LRRFIP2: variants seen among roughly 807,000 people sequenced by gnomAD.
LRRFIP2 encodes the protein leucine-rich repeat flightless-interacting protein 2.
Under a neutral mutation model 125.9 loss-of-function variants are expected in LRRFIP2, and 109 were observed. The ratio of observed to expected loss-of-function variants is 0.87; its 90% CI spans 0.74 to 1.01. LRRFIP2 has a LOEUF of 1.01. LRRFIP2 is among the 50% of genes least tolerant of loss of function. LRRFIP2 has a pLI of 0.00. For synonymous variants in LRRFIP2, 291 were observed against 293.1 expected (o/e 0.99, Z 0.07); for missense variants, 850 against 862.3 (o/e 0.99, Z 0.18).
intron 19 of LRRFIP2, among the ~76,000 whole-genome samples, chr3:37,080,567 ACAACTGCAT>A (rs1482138199): frequency 2.0e-5 from 3 of 152,144 alleles, no homozygotes; most frequent in Non-Finnish European, 2.9e-5. Context: ...CTGAAGGAAG[ACAACTGCAT>A]CATCTATGAA....
chr3:37,083,837 T>A (rs377360662), intron 18 of LRRFIP2, 31 bp from the exon 19 acceptor site: 24 of 1,518,758 alleles, frequency 1.6e-5, no homozygotes, highest in Non-Finnish European at 2.0e-5. Flanking sequence ...CAGTCTGATA[T>A]CTAAAATGTT....
chr3:37,092,513 T>A (rs2093501749), intron 17 of LRRFIP2, among the ~76,000 whole-genome samples: 1 of 152,170 alleles, frequency 6.6e-6, no homozygotes. Context: ...AAGGTCATTC[T>A]CTCAAGGAAG....
At chr3:37,092,845 A>C (rs573886505) in intron 17 of LRRFIP2, among the ~76,000 whole-genome samples, 2 of 141,936 alleles carry the variant, frequency 1.4e-5, no homozygotes, top group African/African-American at 5.0e-5. Flanking sequence ...CCGACAATTT[A>C]TTTTTTTTTT....
chr3:37,108,727 G>A, intron 11 of LRRFIP2, 43 bp from the exon 12 acceptor site: 1 of 1,534,350 alleles, frequency 6.5e-7, no homozygotes. Flanking sequence ...TAGCTTCAAG[G>A]TTGTTTTGAA....
chr3:37,084,812 A>G (rs1317472155), intron 18 of LRRFIP2, among the ~76,000 whole-genome samples: 1 of 152,188 alleles, frequency 6.6e-6, no homozygotes, highest in Non-Finnish European at 1.5e-5. Flanking sequence ...GTGTGTAACT[A>G]TATCTACTTT....
At position 37,063,691 on chromosome 3, in the gene LRRFIP2, A is replaced by T. The variant is rs369203646; in HGVS notation, c.1749+51T>A. 293 of 1,324,660 alleles carry T rather than the reference A, an allele frequency of 2.2e-4. 1 individual carries two copies. The Middle Eastern group carries it at 4.0e-3, about 18-fold the overall frequency. The allele number at this position is 1,324,660 out of a possible 1,614,324, so 82.1% of individuals were successfully genotyped here. On this transcript the variant is annotated intron_variant, in intron 24 of 27. Coordinates refer to ENST00000336686, the MANE Select transcript of LRRFIP2 (RefSeq NM_006309.4). ...GAACATTTCAATTAGCCAGTATTTTACCATGTAACTTTGTTAAAATTATAT... is the reference window on the plus strand; with the variant it reads ...GAACATTTCAATTAGCCAGTATTTTTCCATGTAACTTTGTTAAAATTATAT...
chr3:37,139,532 C>G (rs1483834444), intron 2 of LRRFIP2, among the ~76,000 whole-genome samples: 1 of 152,168 alleles, frequency 6.6e-6, no homozygotes. Flanking sequence ...TCGCTTCACA[C>G]CCTCCAAAGC....
At chr3:37,071,052 TTTTCAATTTCAAA>T (rs1210267481) in intron 21 of LRRFIP2, among the ~76,000 whole-genome samples, 1 of 152,224 alleles carries the variant, frequency 6.6e-6, no homozygotes, top group Non-Finnish European at 1.5e-5. Flanking sequence ...CAAATTTCAC[TTTTCAATTTCAAA>T]TTTCAATTTT....
Position 37,055,115 on chromosome 3 carries a change from C to A in LRRFIP2, c.1921G>T (p.Glu641Ter). ...TGCTCCAAGGTAGTTATATCCTGTTCTGCTTTTGAAAGCTTAAATTTGTAT... is the reference window on the plus strand; with the variant it reads ...TGCTCCAAGGTAGTTATATCCTGTTATGCTTTTGAAAGCTTAAATTTGTAT... ...SEYKFKLSKA[E>*]QDITTLEQSI... The change falls in exon 26 of 28, where the codon GAA (glutamate) becomes TAA (stop). Residue 641 changes from glutamate (E) to a stop codon, truncating the protein, a stop_gained. Coordinates refer to ENST00000336686, the MANE Select transcript of LRRFIP2 (RefSeq NM_006309.4). LOFTEE classifies it high-confidence loss of function. 6.3e-7 allele frequency: 1 copy of A among 1,596,922 alleles called. No homozygotes were observed. The highest frequency in any genetic ancestry group is 8.5e-7 in the Non-Finnish European group (1 of 1,174,262).
At chr3:37,109,436 C>A in intron 11 of LRRFIP2, 91 bp downstream of exon 11, 2 of 1,390,210 alleles carry the variant, frequency 1.4e-6, no homozygotes, top group East Asian at 2.3e-5. Context: ...GTGTCCTTAA[C>A]TATTTTGGAG....
chr3:37,054,418 T>C lies in LRRFIP2; in HGVS notation c.2048A>G (p.Gln683Arg), dbSNP rs764229920. Residue 683 changes from glutamine to arginine, a missense_variant, in exon 27 of 28, where the codon CAA becomes CGA. Transcript: ENST00000336686. Reference protein sequence around the residue: ...DELKAEKRKLQRELRTALDKI... With the variant: ...DELKAEKRKLRRELRTALDKI... Reference sequence around the variant, plus strand: ...ACATATTAAAAGAAGTACCTCTCGTTGTAGCTTCCGTTTTTCTGCTTTCAA... The same window carrying C: ...ACATATTAAAAGAAGTACCTCTCGTCGTAGCTTCCGTTTTTCTGCTTTCAA... 1 of 1,612,228 alleles carries C rather than the reference T, an allele frequency of 6.2e-7. No individual in the cohort carries two copies.
chr3:37,163,872 A>C (rs962727934), intron 1 of LRRFIP2, among the ~76,000 whole-genome samples: 1 of 152,208 alleles, frequency 6.6e-6, no homozygotes, highest in South Asian at 2.1e-4. Flanking sequence ...CCATTAAAGG[A>C]TATCTTGAGG....
chr3:37,149,328 C>T (rs1448685761), intron 1 of LRRFIP2, among the ~76,000 whole-genome samples: 1 of 152,118 alleles, frequency 6.6e-6, no homozygotes, highest in Non-Finnish European at 1.5e-5. Flanking sequence ...GGCAGCCTGG[C>T]CAACATGGTG....
intron 1 of LRRFIP2, among the ~76,000 whole-genome samples, chr3:37,158,810 T>C (rs1174612566): frequency 6.6e-6 from 1 of 152,074 alleles, no homozygotes; most frequent in African/African-American, 2.4e-5. Context: ...AGCTAGAAAT[T>C]TTCATAAAGT....
chr3:37,141,047 C>T (rs923319760), intron 2 of LRRFIP2, among the ~76,000 whole-genome samples: 6 of 151,916 alleles, frequency 3.9e-5, no homozygotes, highest in Non-Finnish European at 7.4e-5. Context: ...AGCTGGGTGT[C>T]GTGGTACATG....
At chr3:37,120,329 T>C (rs1303099435) in intron 6 of LRRFIP2, among the ~76,000 whole-genome samples, 3 of 152,060 alleles carry the variant, frequency 2.0e-5, no homozygotes, top group African/African-American at 4.8e-5. Context: ...GGTCTTGAAC[T>C]CCCGATCTCA....
intron 1 of LRRFIP2, among the ~76,000 whole-genome samples, chr3:37,163,844 C>A (rs1336140344): frequency 6.6e-6 from 1 of 152,044 alleles, no homozygotes; most frequent in African/African-American, 2.4e-5. Context: ...CTTGTGATTT[C>A]CTGGAAGGGA....
intron 25 of LRRFIP2, among the ~76,000 whole-genome samples, chr3:37,056,465 T>C (rs2086890930): frequency 6.6e-6 from 1 of 152,148 alleles, no homozygotes; most frequent in South Asian, 2.1e-4. Context: ...TTTCTTTTTT[T>C]TTTTTTGAGA....
intron 2 of LRRFIP2, among the ~76,000 whole-genome samples, chr3:37,145,136 T>C (rs937710757): frequency 6.6e-6 from 1 of 152,226 alleles, no homozygotes; most frequent in South Asian, 2.1e-4. Context: ...TATGATTATG[T>C]TTAACCACTT....
Sources: gnomAD v4.1 joint callset for allele counts (sites outside exome capture counted in the v4.1 genomes callset) on GRCh38, gnomAD v4.1.1 for gene constraint, MANE v1.5 for transcripts, NCBI Gene and HGNC (gene_info 2026-07-23, HGNC 2026-07-21) for gene names.